Variants in PRH1 observed in about 807,000 individuals in gnomAD.
The protein encoded by PRH1 is proline rich protein HaeIII subfamily 1.
A neutral mutation model predicts 7.9 loss-of-function variants in PRH1; 7 were observed. The ratio of observed to expected loss-of-function variants is 0.89; its 90% CI spans 0.50 to 1.67. The LOEUF is 1.67. PRH1 is among the 40% of genes most tolerant of loss of function. The pLI is 0.00. For synonymous variants in PRH1, 45 were observed against 80.8 expected, an observed-to-expected ratio of 0.56 and a Z score of 2.38; for missense variants, 109 against 223.6, an observed-to-expected ratio of 0.49 and a Z score of 3.27.
intron 1 of PRH1, among the ~76,000 whole-genome samples, chr12:11,025,219 C>T (rs548811289): frequency 2.0e-5 from 3 of 152,114 alleles, no homozygotes; most frequent in South Asian, 2.1e-4. Context: ...GGGGTTTCAC[C>T]GTGTTAGCCA....
intron 1 of PRH1, among the ~76,000 whole-genome samples, chr12:11,054,757 G>A (rs1032156415): frequency 1.0e-4 from 15 of 150,536 alleles, no homozygotes; most frequent in South Asian, 2.1e-4. Flanking sequence ...AGAAAAAAAG[G>A]TGTCTAGTGT....
intron 2 of PRH1, among the ~76,000 whole-genome samples, chr12:10,921,126 G>A (rs1246100368): frequency 4.0e-5 from 6 of 151,278 alleles, no homozygotes; most frequent in African/African-American, 1.2e-4. Context: ...GTATCTAATT[G>A]CCTACCTTCT....
chr12:10,890,369 A>C (rs1348509971), intron 2 of PRH1, among the ~76,000 whole-genome samples: 1 of 151,938 alleles, frequency 6.6e-6, no homozygotes, highest in Non-Finnish European at 1.5e-5. Context: ...CTATCCACAA[A>C]GTCTTCCTAA....
At chr12:10,913,077 A>ATGAG (rs1376789353) in intron 2 of PRH1, among the ~76,000 whole-genome samples, 1 of 152,214 alleles carries the variant, frequency 6.6e-6, no homozygotes, top group Admixed American at 6.5e-5. Flanking sequence ...TGCCATGCTG[A>ATGAG]TGAGTGCATA....
At chr12:10,953,077 A>G (rs185717212) in intron 2 of PRH1, among the ~76,000 whole-genome samples, 2 of 152,164 alleles carry the variant, frequency 1.3e-5, no homozygotes, top group Admixed American at 1.3e-4. Flanking sequence ...ATTTGATGGA[A>G]TCCACAGTGA....
At chr12:11,133,072 G>C in intron 1 of PRH1, 1 of 541,032 alleles carries the variant, frequency 1.8e-6, no homozygotes, top group Middle Eastern at 5.2e-4. Flanking sequence ...CAGTTTTTGT[G>C]AAAAAACAAT....
chr12:11,118,429 G>A (rs1945791897), downstream of PRH1, among the ~76,000 whole-genome samples: 1 of 152,218 alleles, frequency 6.6e-6, no homozygotes, highest in Admixed American at 6.5e-5. Flanking sequence ...AACAAATGCT[G>A]GTGAGGATGT....
At chr12:10,882,779 G>A (rs1949427327) in intron 2 of PRH1, 81 bp from the exon 3 acceptor site, 4 of 1,577,798 alleles carry the variant, frequency 2.5e-6, no homozygotes, top group African/African-American at 1.3e-5. Flanking sequence ...TCACCACACG[G>A]CCGGCCCCTC....
chr12:11,096,072 G>C (rs545463961), intron 1 of PRH1, among the ~76,000 whole-genome samples: 1 of 113,202 alleles, frequency 8.8e-6, no homozygotes, highest in African/African-American at 3.0e-5. Context: ...TTTAGTTATC[G>C]TGTCTGAAGT....
chr12:11,027,301 G>C (rs1021766977), intron 1 of PRH1, among the ~76,000 whole-genome samples: 8 of 148,872 alleles, frequency 5.4e-5, no homozygotes, highest in Non-Finnish European at 1.0e-4. Context: ...ATATTACTTG[G>C]TACAATAATC....
intron 1 of PRH1, among the ~76,000 whole-genome samples, chr12:11,083,685 C>T (rs2136237638): frequency 6.6e-6 from 1 of 152,414 alleles, no homozygotes; most frequent in African/African-American, 2.4e-5. Flanking sequence ...ATAACATTTC[C>T]CTTTTGTTTC....
chr12:10,937,001 C>T (rs1170191484), intron 2 of PRH1, among the ~76,000 whole-genome samples: 5 of 152,010 alleles, frequency 3.3e-5, no homozygotes, highest in Non-Finnish European at 5.9e-5. Flanking sequence ...AACCCCAGAA[C>T]AAATTTTTAG....
chr12:11,168,019 A>T (rs1289008346), intron 1 of PRH1, among the ~76,000 whole-genome samples: 1 of 151,914 alleles, frequency 6.6e-6, no homozygotes, highest in Non-Finnish European at 1.5e-5. Flanking sequence ...AATACAATAG[A>T]TCTTAATAAT....
intron 2 of PRH1, among the ~76,000 whole-genome samples, chr12:10,915,353 T>C (rs565614362): frequency 9.9e-5 from 15 of 152,274 alleles, no homozygotes; most frequent in Admixed American, 3.3e-4. Flanking sequence ...GTATCTGATA[T>C]TAAATCCAGA....
intron 2 of PRH1, among the ~76,000 whole-genome samples, chr12:10,906,395 C>T (rs79407843): frequency 0.061 from 9,363 of 152,282 alleles, 482 homozygotes; most frequent in South Asian, 0.24. Context: ...TTAATGTCCT[C>T]TCTTTGAAAG....
downstream of PRH1, among the ~76,000 whole-genome samples, chr12:11,116,611 G>C (rs1300739983): frequency 1.3e-5 from 2 of 151,952 alleles, no homozygotes; most frequent in African/African-American, 4.8e-5. Flanking sequence ...ACCAGACAAA[G>C]ACACATCTAA....
At chr12:10,915,082 C>G (rs574168482) in intron 2 of PRH1, among the ~76,000 whole-genome samples, 201 of 152,254 alleles carry the variant, frequency 1.3e-3, no homozygotes, top group African/African-American at 4.4e-3. Context: ...GAGCCAAGAT[C>G]ATGCCACTGC....
At chr12:11,031,709 C>T (rs186695742) in intron 1 of PRH1, among the ~76,000 whole-genome samples, 2 of 152,114 alleles carry the variant, frequency 1.3e-5, no homozygotes, top group African/African-American at 4.8e-5. Flanking sequence ...TATTTTAGAG[C>T]GATTGGTGCA....
intron 1 of PRH1, among the ~76,000 whole-genome samples, chr12:10,998,326 A>G (rs996431605): frequency 1.4e-4 from 21 of 152,174 alleles, no homozygotes; most frequent in Non-Finnish European, 4.4e-5. Flanking sequence ...CACAAAAAAT[A>G]TATTGTTAAA....
Sources: allele counts gnomAD v4.1 joint callset (sites outside exome capture counted in the v4.1 genomes callset), GRCh38; gene constraint gnomAD v4.1.1; transcripts MANE v1.5; gene names NCBI Gene and HGNC (gene_info 2026-07-23, HGNC 2026-07-21).